MAP2: variants seen among roughly 807,000 people sequenced by gnomAD.
MAP2 encodes microtubule-associated protein 2.
In MAP2, 14 loss-of-function variants were observed where a neutral mutation model predicts 137.6. That is an observed-to-expected ratio of 0.10 (90% confidence interval 0.07 to 0.16). MAP2 has a LOEUF of 0.16. Among genes scored for constraint, MAP2 ranks in the 10% least tolerant of loss-of-function variants. The pLI is 1.00. For missense variants in MAP2, 2,088 were observed against 2,191.5 expected (o/e 0.95, Z 0.94); for synonymous variants, 786 against 782.3 (o/e 1.00, Z -0.08).
At chr2:209,556,821 C>T (rs532383044) in intron 2 of MAP2, among the ~76,000 whole-genome samples, 1 of 152,152 alleles carries the variant, frequency 6.6e-6, no homozygotes, top group South Asian at 2.1e-4. Flanking sequence ...ATTTAAACTA[C>T]ATATATAAAA....
intron 4 of MAP2, among the ~76,000 whole-genome samples, chr2:209,635,125 A>G (rs778614743): frequency 1.3e-5 from 2 of 152,060 alleles, no homozygotes; most frequent in African/African-American, 4.8e-5. Context: ...AATAAATCAG[A>G]TATTTTACAT....
chr2:209,548,900 A>G (rs565272234), intron 2 of MAP2, among the ~76,000 whole-genome samples: 1 of 152,260 alleles, frequency 6.6e-6, no homozygotes, highest in East Asian at 1.9e-4. Flanking sequence ...GCCATGCAGA[A>G]CTGTGAGTCA....
intron 1 of MAP2, among the ~76,000 whole-genome samples, chr2:209,450,116 AT>A (rs1700001664): frequency 6.6e-6 from 1 of 151,980 alleles, no homozygotes; most frequent in African/African-American, 2.4e-5. Context: ...AAATTTTTGT[AT>A]TTTTAGTAGA....
Position 209,676,459 on chromosome 2 carries a change from T to C in MAP2, c.263-2113T>C, listed in dbSNP as rs560442962. Among the ~76,000 whole-genome samples, 180 of 151,564 alleles carry C rather than the reference T, an allele frequency of 1.2e-3. 1 individual carries two copies. The highest frequency in any genetic ancestry group is 1.8e-3 in the Non-Finnish European group (125 of 67,724). ...GGCACTAGGCTTAATACCTGGGTGA[T>C]AAAATAATCTGTACAACAAGCCCCC... On this transcript the variant is annotated intron_variant, in intron 5 of 15. Transcript: ENST00000682079.
At position 209,695,777 on chromosome 2, in the gene MAP2, G is replaced by A. The variant is rs1395289086; in HGVS notation, c.3607G>A (p.Glu1203Lys). The A allele has an allele frequency of 6.2e-7, 1 of 1,613,894 alleles. No individual in the cohort carries two copies. The highest frequency in any genetic ancestry group is 1.1e-5 in the South Asian group (1 of 91,058). ...GGAATTTATTCAGGGGCCAAAAGAA[G>A]AAAGCAAAGAGACCCCAGATATATC... ...QMEFIQGPKEESKETPDISIT... is the reference protein window; with the variant it reads ...QMEFIQGPKEKSKETPDISIT... Residue 1203 changes from glutamate (E) to lysine (K), a missense_variant, in exon 8 of 16, where the codon GAA becomes AAA. Physicochemically the swap from Glu to Lys is moderately conservative, Grantham distance 56 (BLOSUM62 1). Transcript: ENST00000682079.
chr2:209,586,254 G>A (rs1244098486), intron 3 of MAP2, among the ~76,000 whole-genome samples: 1 of 152,018 alleles, frequency 6.6e-6, no homozygotes, highest in Non-Finnish European at 1.5e-5. Context: ...AGGTAGAGAG[G>A]GGTGCTACAT....
intron 3 of MAP2, among the ~76,000 whole-genome samples, chr2:209,609,297 A>G (rs16843222): frequency 0.017 from 2,578 of 152,252 alleles, 85 homozygotes; most frequent in African/African-American, 0.059. Context: ...ATGAATTAAC[A>G]TATGTCATTG....
At chr2:209,668,617 G>A (rs1242660518) in intron 5 of MAP2, among the ~76,000 whole-genome samples, 2 of 151,846 alleles carry the variant, frequency 1.3e-5, no homozygotes, top group Non-Finnish European at 2.9e-5. Flanking sequence ...TAATGGCATC[G>A]AAATACAAAT....
chr2:209,465,770 A>G (rs1038927798), intron 1 of MAP2, among the ~76,000 whole-genome samples: 6 of 152,160 alleles, frequency 3.9e-5, no homozygotes, highest in Non-Finnish European at 7.4e-5. Flanking sequence ...TCTAAAACAC[A>G]TGTTGGTTCT....
chr2:209,446,025 A>G (rs1024416179), intron 1 of MAP2, among the ~76,000 whole-genome samples: 4 of 151,842 alleles, frequency 2.6e-5, no homozygotes, highest in African/African-American at 9.7e-5. Flanking sequence ...GATATTAAAA[A>G]GAAAATATTT....
chr2:209,613,735 T>C (rs953068835), intron 3 of MAP2, among the ~76,000 whole-genome samples: 7 of 152,202 alleles, frequency 4.6e-5, no homozygotes, highest in Non-Finnish European at 8.8e-5. Flanking sequence ...CAACTATTCA[T>C]TGGCTTAACA....
At position 209,705,705 on chromosome 2, in the gene MAP2, T is replaced by C. The variant is rs754019462; in HGVS notation, c.4710T>C (p.Ser1570=). 2 of 1,612,850 alleles carry C rather than the reference T, an allele frequency of 1.2e-6. No individual in the cohort carries two copies. The highest frequency in any genetic ancestry group is 2.2e-5 in the South Asian group (2 of 91,014). Residue 1570 remains serine (S), a synonymous_variant, in exon 12 of 16, where the codon TCT becomes TCC. Coordinates refer to ENST00000682079, the MANE Select transcript of MAP2 (RefSeq NM_001375505.1). Reference sequence around the variant, plus strand: ...CCTTCTCTCTCAACAGTTCTATCTCTTCTTCAGCACGGCGGACCACCAGTA... The same window carrying C: ...CCTTCTCTCTCAACAGTTCTATCTCCTCTTCAGCACGGCGGACCACCAGTA... ...ENSFSLNSSI[S]SSARRTTRSE...
At chr2:209,615,445 C>G (rs1452871660) in intron 3 of MAP2, among the ~76,000 whole-genome samples, 2 of 152,156 alleles carry the variant, frequency 1.3e-5, no homozygotes, top group African/African-American at 2.4e-5. Context: ...GGTTTCTGCT[C>G]AAGTTAATAC....
intron 13 of MAP2, among the ~76,000 whole-genome samples, chr2:209,711,931 T>C (rs1355084123): frequency 6.6e-6 from 1 of 152,124 alleles, no homozygotes; most frequent in East Asian, 1.9e-4. Flanking sequence ...TGGAAAACAT[T>C]AATACTTAAA....
At chr2:209,608,291 C>CT (rs35075084) in intron 3 of MAP2, among the ~76,000 whole-genome samples, 3,214 of 146,048 alleles carry the variant, frequency 0.022, 91 homozygotes, top group African/African-American at 0.062. Context: ...TCCTTGGAAT[C>CT]TTTTTTTTTT....
chr2:209,679,429 A>G (rs753871902), intron 6 of MAP2, among the ~76,000 whole-genome samples: 8 of 152,102 alleles, frequency 5.3e-5, no homozygotes, highest in Non-Finnish European at 7.4e-5. Flanking sequence ...AGATGGATGT[A>G]TATACACAAA....
At position 209,469,861 on chromosome 2, in the gene MAP2, C is replaced by G. The variant is rs112105515; in HGVS notation, c.-221-37731C>G. On this transcript the variant is annotated intron_variant, in intron 1 of 15. Coordinates refer to ENST00000682079, the MANE Select transcript of MAP2 (RefSeq NM_001375505.1). ...CCACTCACTAGTTATGTTTCTCTAA[C>G]AGAATTATTTCAACTTGATGCACCT... is the stretch of plus-strand genomic sequence containing the variant. 6.1e-3 allele frequency among the ~76,000 whole-genome samples: 934 copies of G among 152,308 alleles called. 7 individuals are homozygous for G. Among genetic ancestry groups the G allele is most frequent in the African/African-American group, 0.021 (879 of 41,566 alleles).
At chr2:209,536,422 C>T (rs2065952513) in intron 2 of MAP2, among the ~76,000 whole-genome samples, 1 of 152,184 alleles carries the variant, frequency 6.6e-6, no homozygotes, top group Non-Finnish European at 1.5e-5. Flanking sequence ...CTTCTTTATA[C>T]TACAAATAGC....
chr2:209,647,599 C>A (rs915735146), intron 4 of MAP2, among the ~76,000 whole-genome samples: 1 of 152,142 alleles, frequency 6.6e-6, no homozygotes, highest in Non-Finnish European at 1.5e-5. Context: ...AATACCAAGT[C>A]TCTTAGTTTG....
Sources: gnomAD v4.1 joint callset for allele counts (sites outside exome capture counted in the v4.1 genomes callset) on GRCh38, gnomAD v4.1.1 for gene constraint, MANE v1.5 for transcripts, NCBI Gene and HGNC (gene_info 2026-07-23, HGNC 2026-07-21) for gene names.